Variants in HDAC8 observed in about 807,000 individuals in gnomAD.
The protein encoded by HDAC8 is histone deacetylase-like 1.
HDAC8 carries 1 observed loss-of-function variant against 32.2 expected under a neutral mutation model. The ratio of observed to expected loss-of-function variants is 0.03; its 90% CI spans 0.01 to 0.15. HDAC8 has a LOEUF of 0.15. Among genes scored for constraint, HDAC8 ranks in the 10% least tolerant of loss-of-function variants. The pLI, the probability that HDAC8 is intolerant of heterozygous loss-of-function variation, is 1.00. For synonymous variants in HDAC8, 108 were observed against 113.9 expected, an observed-to-expected ratio of 0.95 and a Z score of 0.33; for missense variants, 117 against 300.0, an observed-to-expected ratio of 0.39 and a Z score of 4.51.
intron 9 of HDAC8, among the ~76,000 whole-genome samples, chrX:72,439,857 TC>T (rs1467116718): frequency 2.7e-5 from 3 of 111,083 alleles, no homozygotes; most frequent in Non-Finnish European, 5.7e-5. Flanking sequence ...AGATTTAGAC[TC>T]CCACACAATA....
At chrX:72,366,281 G>A (rs1555954324) in intron 9 of HDAC8, among the ~76,000 whole-genome samples, 1 of 112,132 alleles carries the variant, frequency 8.9e-6, no homozygotes. Flanking sequence ...GACATACAAA[G>A]GCCTTCACAG....
At chrX:72,570,010 G>A (rs2051957330) in intron 2 of HDAC8, among the ~76,000 whole-genome samples, 1 of 112,409 alleles carries the variant, frequency 8.9e-6, no homozygotes, top group Non-Finnish European at 1.9e-5. Flanking sequence ...TTAAATGTCT[G>A]CTGAATGGGA....
At chrX:72,383,593 G>A (rs782270166) in intron 9 of HDAC8, among the ~76,000 whole-genome samples, 8 of 111,597 alleles carry the variant, frequency 7.2e-5, no homozygotes, top group South Asian at 3.7e-4. Flanking sequence ...AGTTTTGGCC[G>A]GGCACGGTGG....
At chrX:72,388,993 GAGCTGACT>G (rs2045537875) in intron 9 of HDAC8, among the ~76,000 whole-genome samples, 1 of 112,126 alleles carries the variant, frequency 8.9e-6, no homozygotes, top group African/African-American at 3.2e-5. Context: ...ATGGCTGCCT[GAGCTGACT>G]AATACAATTA....
chrX:72,547,955 T>C (rs2050915987), intron 4 of HDAC8, among the ~76,000 whole-genome samples: 2 of 111,499 alleles, frequency 1.8e-5, no homozygotes, highest in Non-Finnish European at 3.8e-5. Flanking sequence ...TGCTTTTATC[T>C]CTTAAAGCTG....
intron 4 of HDAC8, among the ~76,000 whole-genome samples, chrX:72,521,701 TTCTC>T (rs1370379005): frequency 9.0e-6 from 1 of 111,630 alleles, no homozygotes; most frequent in Non-Finnish European, 1.9e-5. Flanking sequence ...AATTCTTCTT[TTCTC>T]TCTATCTGTC....
At chrX:72,524,623 G>A (rs1034267918) in intron 4 of HDAC8, among the ~76,000 whole-genome samples, 1 of 111,489 alleles carries the variant, frequency 9.0e-6, no homozygotes, top group African/African-American at 3.3e-5. Flanking sequence ...TGTCTGCGTA[G>A]ATGGTGATAC....
At chrX:72,571,562 T>C (rs2052066168) in intron 2 of HDAC8, among the ~76,000 whole-genome samples, 4 of 61,467 alleles carry the variant, frequency 6.5e-5, no homozygotes, top group Non-Finnish European at 1.1e-4. Flanking sequence ...TCTTTTTTTT[T>C]TTTTTTTTTT....
chrX:72,337,503 C>G (rs782721148), intron 10 of HDAC8, among the ~76,000 whole-genome samples: 6 of 110,883 alleles, frequency 5.4e-5, no homozygotes, highest in Non-Finnish European at 1.1e-4. Context: ...CCTTTTCAAT[C>G]TATTAGCAAG....
chrX:72,515,225 G>A (rs1556024225), intron 4 of HDAC8, among the ~76,000 whole-genome samples: 2 of 110,417 alleles, frequency 1.8e-5, no homozygotes, highest in African/African-American at 6.6e-5. Context: ...CCTGGTAACC[G>A]CCATTCTTTT....
chrX:72,355,174 T>C (rs2044295933), intron 9 of HDAC8, among the ~76,000 whole-genome samples: 1 of 112,203 alleles, frequency 8.9e-6, no homozygotes, highest in Non-Finnish European at 1.9e-5. Flanking sequence ...CACTTGTTAC[T>C]TACTGGCGAG....
chrX:72,441,884 G>A (rs1195170109), intron 9 of HDAC8, among the ~76,000 whole-genome samples: 1 of 112,147 alleles, frequency 8.9e-6, no homozygotes, highest in Non-Finnish European at 1.9e-5. Context: ...ACTATGTGAA[G>A]AATGCAGAAG....
At chrX:72,552,826 C>CAT (rs3070314) in intron 4 of HDAC8, among the ~76,000 whole-genome samples, 1,134 of 104,837 alleles carry the variant, frequency 0.011, 7 homozygotes, top group Middle Eastern at 0.03. Context: ...CGTATATATA[C>CAT]ATATATATAT....
intron 6 of HDAC8, among the ~76,000 whole-genome samples, chrX:72,490,497 G>A (rs1198386042): frequency 1.8e-4 from 19 of 105,686 alleles, no homozygotes; most frequent in African/African-American, 4.5e-4. Flanking sequence ...GTAAACTATC[G>A]CGAGAACAGA....
chrX:72,347,061 A>T (rs1471271322), intron 10 of HDAC8, among the ~76,000 whole-genome samples: 1 of 110,961 alleles, frequency 9.0e-6, no homozygotes, highest in African/African-American at 3.3e-5. Context: ...TCCAATGTCC[A>T]CTCCACTGCT....
intron 4 of HDAC8, among the ~76,000 whole-genome samples, chrX:72,527,990 G>C (rs915198065): frequency 1.8e-5 from 2 of 109,824 alleles, no homozygotes; most frequent in Admixed American, 1.9e-4. Flanking sequence ...TGGGCAGGCT[G>C]GTCTTGAACT....
At chrX:72,529,307 G>C (rs782259447) in intron 4 of HDAC8, among the ~76,000 whole-genome samples, 1 of 112,150 alleles carries the variant, frequency 8.9e-6, no homozygotes, top group East Asian at 2.8e-4. Flanking sequence ...TTGCATTATG[G>C]GGGTGGGCCC....
At chrX:72,332,342 A>G (rs1439968060) in intron 10 of HDAC8, among the ~76,000 whole-genome samples, 1 of 112,485 alleles carries the variant, frequency 8.9e-6, no homozygotes, top group African/African-American at 3.2e-5. Flanking sequence ...GTTTAGCTTT[A>G]TAAGAAATTG....
chrX:72,430,000 G>A (rs192358536), intron 9 of HDAC8, among the ~76,000 whole-genome samples: 3 of 112,184 alleles, frequency 2.7e-5, no homozygotes, highest in African/African-American at 9.7e-5. Flanking sequence ...TAAACAGGCT[G>A]CTCTCATTTC....
Sources: gnomAD v4.1 joint callset for allele counts (sites outside exome capture counted in the v4.1 genomes callset) on GRCh38, gnomAD v4.1.1 for gene constraint, MANE v1.5 for transcripts, NCBI Gene and HGNC (gene_info 2026-07-23, HGNC 2026-07-21) for gene names.